The following OR5H1 variants were observed in gnomAD, a reference collection of about 807,000 sequenced individuals.
OR5H1 encodes the protein olfactory receptor family 5 subfamily H member 1.
For synonymous variants in OR5H1, 124 were observed against 134.4 expected (o/e 0.92, Z 0.54); for missense variants, 378 against 366.8 (o/e 1.03, Z -0.25).
Position 98,133,543 on chromosome 3 carries a change from T to A in OR5H1, c.846T>A (p.Ile282=). The A allele has an allele frequency of 2.5e-6, 4 of 1,613,392 alleles. No homozygotes were observed. The highest frequency in any genetic ancestry group is 2.2e-5 in the East Asian group (1 of 44,844). Residue 282 remains isoleucine, a synonymous_variant, in exon 2 of 2, where the codon ATT becomes ATA. Coordinates refer to ENST00000641874, the MANE Select transcript of OR5H1 (RefSeq NM_001005338.2). ...AGCCTCTATTCTACACTGTCATCAT[T>A]CCTTTGTTAAATCCTATCATCTACA... ...MVEPLFYTVI[I]PLLNPIIYSL... is the part of the protein sequence containing the mutation.
In OR5H1 at chr3:98,132,758, C is replaced by A. The variant is rs922145093; in HGVS notation, c.61C>A (p.Pro21Thr). ...EFVLTGFLYQ[P>T]QWKIPLFLAF... is the part of the protein sequence containing the mutation. ...TGTTCTCACAGGATTTTTATATCAA[C>A]CACAGTGGAAAATACCCCTGTTCCT... Residue 21 changes from proline to threonine, a missense_variant, in exon 2 of 2, where the codon CCA becomes ACA. Transcript: ENST00000641874. 4 of 1,613,326 alleles carry A rather than the reference C, an allele frequency of 2.5e-6. No individual in the cohort carries two copies. Among genetic ancestry groups the A allele is most frequent in the South Asian group, 1.1e-5 (1 of 91,050 alleles).
rs938158617 is a variant in OR5H1, at chr3:98,137,113, G to A, written c.*3474G>A. On this transcript the variant is annotated 3_prime_UTR_variant, in exon 2 of 2. Transcript: ENST00000641874. ...AATATAACCATAATTATGTTATATT[G>A]TAATAACAGATTCTGATTAAAATTT... is the stretch of plus-strand genomic sequence containing the variant. The A allele has an allele frequency of 1.3e-5, 2 of 152,072 alleles. No homozygotes were observed. The highest frequency in any genetic ancestry group is 2.9e-5 in the Non-Finnish European group (2 of 68,018). 9.4% of individuals were successfully genotyped at this position (152,072 alleles called of 1,614,324 possible).
rs949409693 is a variant in OR5H1, at chr3:98,134,372, G to T, written c.*733G>T. ...ATTCAGGAAATTAAAAGATTAAATA[G>T]AATAACTGCATTTGGAGTAGACATA... On this transcript the variant is annotated 3_prime_UTR_variant, in exon 2 of 2. Coordinates refer to ENST00000641874, the MANE Select transcript of OR5H1 (RefSeq NM_001005338.2). 3 of 151,982 alleles carry T rather than the reference G, an allele frequency of 2.0e-5. No individual in the cohort carries two copies. The highest frequency in any genetic ancestry group is 4.4e-5 in the Non-Finnish European group (3 of 67,948). The allele number at this position is 151,982 out of a possible 1,614,324, so 9.4% of individuals were successfully genotyped here. A position where few individuals can be genotyped will look rare whatever the true frequency, so the allele number is the denominator to read the frequency against.
In OR5H1 at chr3:98,135,727, C is replaced by T. The variant is rs1224274297; in HGVS notation, c.*2088C>T. Reference sequence around the variant, plus strand: ...AGTACCAAGGGACTGGGGTATGCTCCATAGCCAAAGTACGTATGAACAAAA... The same window carrying T: ...AGTACCAAGGGACTGGGGTATGCTCTATAGCCAAAGTACGTATGAACAAAA... On this transcript the variant is annotated 3_prime_UTR_variant, in exon 2 of 2. Coordinates refer to ENST00000641874, the MANE Select transcript of OR5H1 (RefSeq NM_001005338.2). 5 of 152,072 alleles carry T rather than the reference C, an allele frequency of 3.3e-5. No individual in the cohort carries two copies. The highest frequency in any genetic ancestry group is 5.9e-5 in the Non-Finnish European group (4 of 68,006). 9.4% of individuals were successfully genotyped at this position (152,072 alleles called of 1,614,324 possible). A position where few individuals can be genotyped will look rare whatever the true frequency, so the allele number is the denominator to read the frequency against.
At position 98,132,957 on chromosome 3, in the gene OR5H1, C is replaced by G. The variant is rs1448736047; in HGVS notation, c.260C>G (p.Ala87Gly). 6.2e-7 allele frequency: 1 copy of G among 1,613,536 alleles called. No individual in the cohort carries two copies. Among genetic ancestry groups the G allele is most frequent in the Non-Finnish European group, 8.5e-7 (1 of 1,179,648 alleles). The change falls in exon 2 of 2, where the codon GCT becomes GGT. Residue 87 changes from alanine (A) to glycine (G), a missense_variant. Coordinates refer to ENST00000641874, the MANE Select transcript of OR5H1 (RefSeq NM_001005338.2). Reference protein sequence around the residue: ...VTPKMLNNFLAKSKMISLSEC... With the variant: ...VTPKMLNNFLGKSKMISLSEC... ...CCAAAGATGCTGAATAACTTCTTAG[C>G]TAAGAGTAAGATGATATCTCTCTCT...
At position 98,137,706 on chromosome 3, in the gene OR5H1, AT is replaced by A; in HGVS notation, c.*4068del. The A allele has an allele frequency of 6.6e-6, 1 of 152,336 alleles. No individual in the cohort carries two copies. Among genetic ancestry groups the A allele is most frequent in the East Asian group, 1.9e-4 (1 of 5,186 alleles). The allele number at this position is 152,336 out of a possible 1,614,324, so 9.4% of individuals were successfully genotyped here. A position where few individuals can be genotyped will look rare whatever the true frequency, so the allele number is the denominator to read the frequency against. ...GTTCAGCAATTAGTCTTTTAAAAAA[AT>A]GTTGTTTGGAAATAATCCAGATATT... On this transcript the variant is annotated 3_prime_UTR_variant, in exon 2 of 2. Coordinates refer to ENST00000641874, the MANE Select transcript of OR5H1 (RefSeq NM_001005338.2).
chr3:98,133,048 G>C lies in OR5H1; in HGVS notation c.351G>C (p.Thr117=). ...SVTTECFLLA[T]MAYDRYVAIC... ...CCACGGAATGTTTTCTCTTGGCAAC[G>C]ATGGCATATGATCGCTATGTAGCCA... The change falls in exon 2 of 2, where the codon ACG becomes ACC. Residue 117 remains threonine, a synonymous_variant. Coordinates refer to ENST00000641874, the MANE Select transcript of OR5H1 (RefSeq NM_001005338.2). 6.2e-7 allele frequency: 1 copy of C among 1,607,006 alleles called. No homozygotes were observed. Among genetic ancestry groups the C allele is most frequent in the East Asian group, 2.2e-5 (1 of 44,740 alleles).
rs1278351443 is a variant in OR5H1 at position 98,135,125 on chromosome 3, C to T, written c.*1486C>T. 6.6e-6 allele frequency: 1 copy of T among 152,114 alleles called. No individual in the cohort carries two copies. Among genetic ancestry groups the T allele is most frequent in the Non-Finnish European group, 1.5e-5 (1 of 68,014 alleles). The allele number at this position is 152,114 out of a possible 1,614,324, so 9.4% of individuals were successfully genotyped here. ...TGAGGAGACTCGATTTATTTTGCAACACCAGATTGCATGTGGTATGGGGAT... is the reference window on the plus strand; with the variant it reads ...TGAGGAGACTCGATTTATTTTGCAATACCAGATTGCATGTGGTATGGGGAT... On this transcript the variant is annotated 3_prime_UTR_variant, in exon 2 of 2. Transcript: ENST00000641874.
Position 98,138,433 on chromosome 3 carries a change from G to C in OR5H1, c.*4794G>C, listed in dbSNP as rs1708343667. On this transcript the variant is annotated 3_prime_UTR_variant, in exon 2 of 2. Coordinates refer to ENST00000641874, the MANE Select transcript of OR5H1 (RefSeq NM_001005338.2). ...TAGTTTCACTTCTCTTTCCTTTTCT[G>C]AGTATAAAACAATATAAAACAATAT... 1 of 152,122 alleles carries C rather than the reference G, an allele frequency of 6.6e-6. No homozygotes were observed. The highest frequency in any genetic ancestry group is 1.5e-5 in the Non-Finnish European group (1 of 68,042). The allele number at this position is 152,122 out of a possible 1,614,324, so 9.4% of individuals were successfully genotyped here.
In OR5H1 at chr3:98,136,887, T is replaced by G. The variant is rs1708324123; in HGVS notation, c.*3248T>G. 6.6e-6 allele frequency: 1 copy of G among 152,188 alleles called. No individual in the cohort carries two copies. The highest frequency in any genetic ancestry group is 2.4e-5 in the African/African-American group (1 of 41,448). 9.4% of individuals were successfully genotyped at this position (152,188 alleles called of 1,614,324 possible). On this transcript the variant is annotated 3_prime_UTR_variant, in exon 2 of 2. Transcript: ENST00000641874. ...GGACATTTAAGCCTTGTTTTCTGTA[T>G]AGCCTGCAGAATTGTTCTCCAAACA...
Position 98,132,991 on chromosome 3 carries a change from G to T in OR5H1, c.294G>T (p.Lys98Asn), listed in dbSNP as rs112264940. 123 of 1,612,862 alleles carry T rather than the reference G, an allele frequency of 7.6e-5. No homozygotes were observed. Among genetic ancestry groups the T allele is most frequent in the Non-Finnish European group, 1.0e-4 (119 of 1,179,512 alleles). ...KSKMISLSECKIQFFSFAISV... is the reference protein window; with the variant it reads ...KSKMISLSECNIQFFSFAISV... The stretch of plus-strand genomic sequence containing the variant: ...AGATGATATCTCTCTCTGAATGCAA[G>T]ATACAGTTTTTTTCGTTTGCAATCA... Residue 98 changes from lysine (K) to asparagine (N), a missense_variant, in exon 2 of 2, where the codon AAG becomes AAT. By Grantham distance (94) the Lys-to-Asn change is moderately conservative (BLOSUM62 0). Coordinates refer to ENST00000641874, the MANE Select transcript of OR5H1 (RefSeq NM_001005338.2).
rs1194505172 is a variant in OR5H1, at chr3:98,132,739, C to T, written c.42C>T (p.Leu14=). 1.2e-6 allele frequency: 2 copies of T among 1,613,280 alleles called. No individual in the cohort carries two copies. The stretch of plus-strand genomic sequence containing the variant: ...CAACATTGCTGACAGAGTTTGTTCT[C>T]ACAGGATTTTTATATCAACCACAGT... ...ENATLLTEFV[L]TGFLYQPQWK... Residue 14 remains leucine, a synonymous_variant, in exon 2 of 2, where the codon CTC becomes CTT. Coordinates refer to ENST00000641874, the MANE Select transcript of OR5H1 (RefSeq NM_001005338.2).
In OR5H1 at chr3:98,134,224, C is replaced by G. The variant is rs1386032353; in HGVS notation, c.*585C>G. 6.5e-6 allele frequency: 1 copy of G among 153,296 alleles called. No individual in the cohort carries two copies. Among genetic ancestry groups the G allele is most frequent in the Non-Finnish European group, 1.5e-5 (1 of 68,930 alleles). 9.5% of individuals were successfully genotyped at this position (153,296 alleles called of 1,614,324 possible). A position where few individuals can be genotyped will look rare whatever the true frequency, so the allele number is the denominator to read the frequency against. On this transcript the variant is annotated 3_prime_UTR_variant, in exon 2 of 2. Transcript: ENST00000641874. ...GGCACTGCCATAGTGTAAGAGCATG[C>G]TCTTAACTCTATGTGCTCGTATGAG... is the stretch of plus-strand genomic sequence containing the variant.
chr3:98,135,481 C>G lies in OR5H1; in HGVS notation c.*1842C>G, dbSNP rs1420065701. 1.3e-5 allele frequency: 2 copies of G among 152,152 alleles called. No homozygotes were observed. Among genetic ancestry groups the G allele is most frequent in the South Asian group, 2.1e-4 (1 of 4,828 alleles). The allele number at this position is 152,152 out of a possible 1,614,324, so 9.4% of individuals were successfully genotyped here. A position where few individuals can be genotyped will look rare whatever the true frequency, so the allele number is the denominator to read the frequency against. ...TGACTAAAACTCAGGCATACTTGCACTCTCTGTGGCCAGCACAGCTGGTTT... is the reference window on the plus strand; with the variant it reads ...TGACTAAAACTCAGGCATACTTGCAGTCTCTGTGGCCAGCACAGCTGGTTT... On this transcript the variant is annotated 3_prime_UTR_variant, in exon 2 of 2. Transcript: ENST00000641874.
At position 98,137,011 on chromosome 3, in the gene OR5H1, T is replaced by C. The variant is rs1449585823; in HGVS notation, c.*3372T>C. On this transcript the variant is annotated 3_prime_UTR_variant, in exon 2 of 2. Coordinates refer to ENST00000641874, the MANE Select transcript of OR5H1 (RefSeq NM_001005338.2). ...TTAATTGGATGCATAAAGTCAATTC[T>C]TAGTTTCTTAAAATTCTCCAGTCAT... The C allele has an allele frequency of 2.0e-5, 3 of 152,218 alleles. No individual in the cohort carries two copies. Among genetic ancestry groups the C allele is most frequent in the Non-Finnish European group, 2.9e-5 (2 of 68,032 alleles). The allele number at this position is 152,218 out of a possible 1,614,324, so 9.4% of individuals were successfully genotyped here.
At position 98,138,213 on chromosome 3, in the gene OR5H1, G is replaced by A. The variant is rs186960682; in HGVS notation, c.*4574G>A. On this transcript the variant is annotated 3_prime_UTR_variant, in exon 2 of 2. Coordinates refer to ENST00000641874, the MANE Select transcript of OR5H1 (RefSeq NM_001005338.2). ...TGAGCAAGCCAGGGGGTACGTGACA[G>A]GGGCTGCGAGCACCGGTGGTCAGAG... The A allele has an allele frequency of 6.6e-6, 1 of 152,294 alleles. No homozygotes were observed. Among genetic ancestry groups the A allele is most frequent in the Admixed American group, 6.5e-5 (1 of 15,298 alleles). 9.4% of individuals were successfully genotyped at this position (152,294 alleles called of 1,614,324 possible). A position where few individuals can be genotyped will look rare whatever the true frequency, so the allele number is the denominator to read the frequency against.
intron 1 of OR5H1, among the ~76,000 whole-genome samples, chr3:98,132,329 TA>T (rs1321862185): frequency 6.6e-6 from 1 of 152,084 alleles, no homozygotes; most frequent in Non-Finnish European, 1.5e-5. Context: ...ACATGGCATT[TA>T]TTTTATTTAT....
rs768884569 is a variant in OR5H1, at chr3:98,132,872, A to T, written c.175A>T (p.Met59Leu). Residue 59 changes from methionine to leucine, a missense_variant, in exon 2 of 2, where the codon ATG becomes TTG. Coordinates refer to ENST00000641874, the MANE Select transcript of OR5H1 (RefSeq NM_001005338.2). ...IWKDPHLHIP[M>L]YLLLGNLAFV... ...GAAAGACCCTCACCTTCATATCCCAATGTACTTACTCCTTGGGAATTTAGC... is the reference window on the plus strand; with the variant it reads ...GAAAGACCCTCACCTTCATATCCCATTGTACTTACTCCTTGGGAATTTAGC... 19 of 1,613,290 alleles carry T rather than the reference A, an allele frequency of 1.2e-5. No homozygotes were observed. Among genetic ancestry groups the T allele is most frequent in the Admixed American group, 1.0e-4 (6 of 59,938 alleles).
rs1303705021 is a variant in OR5H1, at chr3:98,133,733, C to G, written c.*94C>G. On this transcript the variant is annotated 3_prime_UTR_variant, in exon 2 of 2. Coordinates refer to ENST00000641874, the MANE Select transcript of OR5H1 (RefSeq NM_001005338.2). ...TGTTCAAACATTTTTGCAAGTACAA[C>G]TGTTCTAGCACTTTAGTGAGCTAAT... 10 of 963,078 alleles carry G rather than the reference C, an allele frequency of 1.0e-5. No individual in the cohort carries two copies. The highest frequency in any genetic ancestry group is 1.4e-5 in the Non-Finnish European group (9 of 627,174). The allele number at this position is 963,078 out of a possible 1,614,324, so 59.7% of individuals were successfully genotyped here. A position where few individuals can be genotyped will look rare whatever the true frequency, so the allele number is the denominator to read the frequency against.
Sources: allele counts gnomAD v4.1 joint callset (sites outside exome capture counted in the v4.1 genomes callset), GRCh38; gene constraint gnomAD v4.1.1; transcripts MANE v1.5; gene names NCBI Gene and HGNC (gene_info 2026-07-23, HGNC 2026-07-21).